Variants in MRPL14 observed in about 807,000 individuals in gnomAD.
The protein encoded by MRPL14 is large ribosomal subunit protein uL14m.
A neutral mutation model predicts 10.9 loss-of-function variants in MRPL14; 8 were observed. That is an observed-to-expected ratio of 0.74 (90% CI 0.43 to 1.33). MRPL14 has a LOEUF of 1.33. Ranked by LOEUF, MRPL14 falls within the 40% of genes most tolerant of loss-of-function variation. The probability of loss-of-function intolerance (pLI) is 0.01; values close to 1 mark genes in which losing one functional copy is unlikely to be tolerated. For missense variants in MRPL14, 179 were observed against 194.5 expected (o/e 0.92, Z 0.47); for synonymous variants, 82 against 74.1 (o/e 1.11, Z -0.54).
At chr6:44,124,525 AG>A (rs1776746379) in intron 1 of MRPL14, among the ~76,000 whole-genome samples, 1 of 152,202 alleles carries the variant, frequency 6.6e-6, no homozygotes, top group Non-Finnish European at 1.5e-5. Flanking sequence ...GCAGCACCAT[AG>A]GTGCCTCTTT....
At chr6:44,114,357 G>A (rs771412087) in intron 2 of MRPL14, 148 bp from the exon 3 acceptor site, 97 of 944,390 alleles carry the variant, frequency 1.0e-4, no homozygotes, top group Non-Finnish European at 1.2e-4. Context: ...AGAAAGTCAG[G>A]ACTTTGTGAA....
At chr6:44,118,784 GAGAAA>G (rs1296486927) in intron 1 of MRPL14, among the ~76,000 whole-genome samples, 1 of 152,002 alleles carries the variant, frequency 6.6e-6, no homozygotes, top group Non-Finnish European at 1.5e-5. Flanking sequence ...GACTAACATG[GAGAAA>G]CCCTGTCTCT....
At chr6:44,123,289 G>T (rs191356043) in intron 1 of MRPL14, among the ~76,000 whole-genome samples, 109 of 152,336 alleles carry the variant, frequency 7.2e-4, no homozygotes, top group Non-Finnish European at 1.0e-3. Context: ...AGAGCCCAAG[G>T]CTGTTTTTAT....
At chr6:44,116,412 A>T in intron 2 of MRPL14, 129 bp downstream of exon 2, 1 of 876,630 alleles carries the variant, frequency 1.1e-6, no homozygotes, top group Non-Finnish European at 1.9e-6. Flanking sequence ...CAGCCTGATC[A>T]CTTTAGCTTT....
chr6:44,117,035 G>A (rs1451228433), intron 1 of MRPL14, among the ~76,000 whole-genome samples: 2 of 152,178 alleles, frequency 1.3e-5, no homozygotes, highest in African/African-American at 2.4e-5. Flanking sequence ...TATGCCTTCT[G>A]AAACCAGCAC....
chr6:44,125,509 A>C (rs1459768290), intron 1 of MRPL14, among the ~76,000 whole-genome samples: 1 of 151,986 alleles, frequency 6.6e-6, no homozygotes, highest in African/African-American at 2.4e-5. Context: ...TACAAAAATT[A>C]GCCAGGAGTG....
chr6:44,125,653 TCAAAAAAA>T (rs1776919852), intron 1 of MRPL14, among the ~76,000 whole-genome samples: 1 of 30,086 alleles, frequency 3.3e-5, no homozygotes. Flanking sequence ...AGAGACTGTC[TCAAAAAAA>T]AAAAAAAAAA....
chr6:44,114,309 AAC>A (rs759479567), intron 2 of MRPL14, 100 bp from the exon 3 acceptor site: 13 of 1,388,694 alleles, frequency 9.4e-6, no homozygotes, highest in South Asian at 1.4e-5. Context: ...ACATGTCAGC[AAC>A]ACACACAGAG....
intron 1 of MRPL14, among the ~76,000 whole-genome samples, chr6:44,121,253 T>C (rs987506419): frequency 1.3e-5 from 2 of 151,032 alleles, no homozygotes; most frequent in African/African-American, 4.9e-5. Context: ...TTGGAAAACT[T>C]TGGCGCCAGA....
In MRPL14 at chr6:44,113,633, C is replaced by T. The variant is rs560011891; in HGVS notation, c.*210G>A. On this transcript the variant is annotated 3_prime_UTR_variant, in exon 3 of 3. Coordinates refer to ENST00000372014, the MANE Select transcript of MRPL14 (RefSeq NM_032111.4). ...CGTGTGGCCAGACTCGGGTAAGCCACCTTTCAACTGCTTCAGTGTAATTTA... is the reference window on the plus strand; with the variant it reads ...CGTGTGGCCAGACTCGGGTAAGCCATCTTTCAACTGCTTCAGTGTAATTTA... 1.7e-4 allele frequency: 90 copies of T among 514,678 alleles called. No homozygotes were observed. Among genetic ancestry groups the T allele is most frequent in the Middle Eastern group, 5.3e-4 (1 of 1,898 alleles). 31.9% of individuals were successfully genotyped at this position (514,678 alleles called of 1,614,324 possible). A position where few individuals can be genotyped will look rare whatever the true frequency, so the allele number is the denominator to read the frequency against.
chr6:44,119,556 T>C (rs1365686773), intron 1 of MRPL14, among the ~76,000 whole-genome samples: 1 of 151,984 alleles, frequency 6.6e-6, no homozygotes, highest in Admixed American at 6.6e-5. Context: ...TGACGTCACA[T>C]GCACATTTTA....
At chr6:44,121,601 G>A (rs1480956093) in intron 1 of MRPL14, among the ~76,000 whole-genome samples, 2 of 152,222 alleles carry the variant, frequency 1.3e-5, no homozygotes, top group African/African-American at 4.8e-5. Context: ...GCCCAGAACT[G>A]TGCCTAGCAC....
chr6:44,116,036 G>A (rs1240934933), intron 2 of MRPL14, among the ~76,000 whole-genome samples: 5 of 152,182 alleles, frequency 3.3e-5, no homozygotes, highest in Admixed American at 6.5e-5. Flanking sequence ...CCCCAGGTGC[G>A]GTGCTCAGGA....
intron 1 of MRPL14, among the ~76,000 whole-genome samples, 172 bp from the exon 2 acceptor site, chr6:44,116,801 C>T (rs1442906128): frequency 1.3e-5 from 2 of 152,132 alleles, no homozygotes; most frequent in African/African-American, 2.4e-5. Context: ...GCTGTAGCTC[C>T]GATTTTGCTG....
Position 44,114,206 on chromosome 6 carries a change from G to T in MRPL14, c.75C>A (p.Thr25=), listed in dbSNP as rs1775614558. 2.5e-6 allele frequency: 4 copies of T among 1,603,316 alleles called. No individual in the cohort carries two copies. Among genetic ancestry groups the T allele is most frequent in the Middle Eastern group, 1.7e-4 (1 of 5,812 alleles). The change falls in exon 3 of 3, where the codon ACC becomes ACA. Residue 25 remains threonine (T), a synonymous_variant. Transcript: ENST00000372014. Reference sequence around the variant, plus strand: ...TCTGAATCGCACTCAGACTCCCAGTGGTGCTGGTGGGAGGAAAAAAAAAAG... The same window carrying T: ...TCTGAATCGCACTCAGACTCCCAGTTGTGCTGGTGGGAGGAAAAAAAAAAG... The part of the protein sequence containing the change: ...SRVLSHHCFS[T]TGSLSAIQKM...
At chr6:44,117,391 C>T (rs927027101) in intron 1 of MRPL14, among the ~76,000 whole-genome samples, 6 of 152,194 alleles carry the variant, frequency 3.9e-5, no homozygotes, top group African/African-American at 2.4e-5. Flanking sequence ...AATATGGAGG[C>T]TGCCAGTGCC....
intron 2 of MRPL14, 34 bp downstream of exon 2, chr6:44,116,507 G>A (rs1562098144): frequency 1.2e-6 from 2 of 1,603,038 alleles, no homozygotes; most frequent in South Asian, 2.2e-5. Flanking sequence ...CTTACACAAA[G>A]ACACAGTTTT....
intron 1 of MRPL14, among the ~76,000 whole-genome samples, chr6:44,120,175 G>T (rs2128197543): frequency 6.6e-6 from 1 of 152,322 alleles, no homozygotes; most frequent in African/African-American, 2.4e-5. Flanking sequence ...ACAAAGTCTT[G>T]TGTCAAACGG....
At chr6:44,114,328 G>A (rs1775631977) in intron 2 of MRPL14, 119 bp from the exon 3 acceptor site, 2 of 1,223,354 alleles carry the variant, frequency 1.6e-6, no homozygotes, top group Admixed American at 2.3e-5. Context: ...AGAGCAGAGT[G>A]CTGTCCAGGA....
Sources: allele counts gnomAD v4.1 joint callset (sites outside exome capture counted in the v4.1 genomes callset), GRCh38; gene constraint gnomAD v4.1.1; transcripts MANE v1.5; gene names NCBI Gene and HGNC (gene_info 2026-07-23, HGNC 2026-07-21).